Variants in CIB2 observed in about 807,000 individuals in gnomAD.
CIB2 encodes the protein calcium and integrin binding family member 2.
A neutral mutation model predicts 23.1 loss-of-function variants in CIB2; 19 were observed. That is an observed-to-expected ratio of 0.82 (90% CI 0.57 to 1.21). The LOEUF (loss-of-function observed/expected upper bound fraction) is 1.21, where lower values mean the gene tolerates loss of function less well. Ranked by LOEUF, CIB2 falls within the 50% of genes most tolerant of loss-of-function variation. The pLI is 0.00. For synonymous variants in CIB2, 94 were observed against 91.7 expected (o/e 1.03, Z -0.14); for missense variants, 220 against 241.5 (o/e 0.91, Z 0.59).
At position 78,111,434 on chromosome 15, in the gene CIB2, G is replaced by C. The variant is rs546342169; in HGVS notation, c.87-158C>G. Among the ~76,000 whole-genome samples the C allele has an allele frequency of 6.0e-4, 92 of 152,292 alleles. 2 individuals carry two copies. Among genetic ancestry groups the C allele is most frequent in the Admixed American group, 3.9e-3 (59 of 15,304 alleles). On this transcript the variant is annotated intron_variant, in intron 2 of 5. Coordinates refer to ENST00000258930, the MANE Select transcript of CIB2 (RefSeq NM_006383.4). The stretch of plus-strand genomic sequence containing the variant: ...GCTCTCTGCTCTGCCCACAGGGTGT[G>C]AAGTTGGGAGGGAGGTGAGTTCTGC...
At chr15:78,117,835 G>T (rs1421715445) in intron 2 of CIB2, among the ~76,000 whole-genome samples, 1 of 152,184 alleles carries the variant, frequency 6.6e-6, no homozygotes, top group Non-Finnish European at 1.5e-5. Context: ...GTTATTCACT[G>T]AATGATCTGG....
chr15:78,131,134 C>T lies in CIB2; in HGVS notation c.51+31G>A. The T allele has an allele frequency of 1.3e-6, 2 of 1,547,546 alleles. No homozygotes were observed. Among genetic ancestry groups the T allele is most frequent in the South Asian group, 1.2e-5 (1 of 86,098 alleles). The stretch of plus-strand genomic sequence containing the variant: ...GGGAGGGGCGGCGGGGCGGCGGGGC[C>T]TGTGTTGGGGGCCGGGCGCGCCGAG... On this transcript the variant is annotated intron_variant, in intron 1 of 5. Coordinates refer to ENST00000258930, the MANE Select transcript of CIB2 (RefSeq NM_006383.4). The surrounding 1 kb of genome is among the most constrained non-coding windows in gnomAD (Gnocchi z 5.8).
intron 4 of CIB2, among the ~76,000 whole-genome samples, chr15:78,108,459 G>C (rs1347769125): frequency 6.6e-6 from 1 of 152,134 alleles, no homozygotes; most frequent in African/African-American, 2.4e-5. Context: ...TGGGTATGAA[G>C]TTTTCTCCCT....
At position 78,109,472 on chromosome 15, in the gene CIB2, A is replaced by T. The variant is rs143617518; in HGVS notation, c.199-90T>A. On this transcript the variant is annotated intron_variant, in intron 3 of 5. Coordinates refer to ENST00000258930, the MANE Select transcript of CIB2 (RefSeq NM_006383.4). ...CTGTGGACAGCCTGTGTGACCCTGG[A>T]GGAGTGACCAAATCCCTCTGAGCCT... is the stretch of plus-strand genomic sequence containing the variant. 3.1e-5 allele frequency: 46 copies of T among 1,465,172 alleles called. 1 individual carries two copies. In the South Asian group the frequency reaches 5.2e-4, roughly 17 times the overall value. The allele number at this position is 1,465,172 out of a possible 1,614,324, so 90.8% of individuals were successfully genotyped here. A position where few individuals can be genotyped will look rare whatever the true frequency, so the allele number is the denominator to read the frequency against.
At chr15:78,112,717 G>A (rs1360887780) in intron 2 of CIB2, among the ~76,000 whole-genome samples, 1 of 152,152 alleles carries the variant, frequency 6.6e-6, no homozygotes, top group African/African-American at 2.4e-5. Flanking sequence ...CCCAGGCTTG[G>A]GCCGGCCCTG....
Position 78,105,053 on chromosome 15 carries a change from A to C in CIB2, c.*258T>G. On this transcript the variant is annotated 3_prime_UTR_variant, in exon 6 of 6. Transcript: ENST00000258930. Reference sequence around the variant, plus strand: ...TTCTGGAGTAGGAAAGGACTGGGGCATGGGGCGGGGTGCGGAGGGCCTGGA... The same window carrying C: ...TTCTGGAGTAGGAAAGGACTGGGGCCTGGGGCGGGGTGCGGAGGGCCTGGA... 4.0e-6 allele frequency: 2 copies of C among 505,274 alleles called. No individual in the cohort carries two copies. Among genetic ancestry groups the C allele is most frequent in the East Asian group, 3.5e-5 (1 of 28,656 alleles). 31.3% of individuals were successfully genotyped at this position (505,274 alleles called of 1,614,324 possible). A position where few individuals can be genotyped will look rare whatever the true frequency, so the allele number is the denominator to read the frequency against.
intron 5 of CIB2, 37 bp from the exon 6 acceptor site, chr15:78,105,369 C>T: frequency 6.2e-6 from 10 of 1,613,478 alleles, no homozygotes; most frequent in Non-Finnish European, 6.8e-6. Context: ...GGTGAGAGGC[C>T]CTGGGTCGGG....
At chr15:78,108,163 G>A (rs1356757995) in intron 4 of CIB2, among the ~76,000 whole-genome samples, 4 of 143,454 alleles carry the variant, frequency 2.8e-5, no homozygotes, top group Non-Finnish European at 6.0e-5. Context: ...GAGATCACAC[G>A]ATTGCACTCC....
At chr15:78,118,630 T>G (rs1483821158) in intron 2 of CIB2, among the ~76,000 whole-genome samples, 1 of 151,828 alleles carries the variant, frequency 6.6e-6, no homozygotes, top group Non-Finnish European at 1.5e-5. Flanking sequence ...AACAGAAAAT[T>G]TACCATCTTA....
rs774647699 is a variant in CIB2, at chr15:78,109,256, T to C, written c.325A>G (p.Asn109Asp). Reference sequence around the variant, plus strand: ...TTACCATAGATCTTGAAGGCATAGTTTGCCTTGAGCTCTCGGGGAGCCGAC... The same window carrying C: ...TTACCATAGATCTTGAAGGCATAGTCTGCCTTGAGCTCTCGGGGAGCCGAC... ...CESAPRELKANYAFKIYDFNT... is the reference protein window; with the variant it reads ...CESAPRELKADYAFKIYDFNT... Residue 109 changes from asparagine to aspartate, a missense_variant, in exon 4 of 6, where the codon AAC becomes GAC. Physicochemically the swap from Asn to Asp is conservative, Grantham distance 23. Transcript: ENST00000258930. 9 of 1,522,788 alleles carry C rather than the reference T, an allele frequency of 5.9e-6. No individual in the cohort carries two copies. The South Asian group carries it at 1.0e-4, about 17-fold the overall frequency. 94.3% of individuals were successfully genotyped at this position (1,522,788 alleles called of 1,614,324 possible).
At chr15:78,105,539 G>C in intron 5 of CIB2, 200 bp downstream of exon 5, 1 of 1,477,528 alleles carries the variant, frequency 6.8e-7, no homozygotes, top group South Asian at 1.4e-5. Context: ...ATCACTGAAG[G>C]GGCCCCCAGG....
intron 2 of CIB2, chr15:78,120,473 T>G (rs1251055930): frequency 1.1e-6 from 1 of 878,956 alleles, no homozygotes; most frequent in Non-Finnish European, 1.4e-6. Flanking sequence ...TGGGTGGGCC[T>G]CTCTGTGTAC....
intron 2 of CIB2, among the ~76,000 whole-genome samples, chr15:78,118,316 T>C (rs1180305167): frequency 2.0e-5 from 3 of 152,084 alleles, no homozygotes; most frequent in Non-Finnish European, 4.4e-5. Context: ...GATAAATGGC[T>C]GGGCAGTGGC....
At chr15:78,115,676 C>CT (rs56754406) in intron 2 of CIB2, among the ~76,000 whole-genome samples, 1,060 of 71,280 alleles carry the variant, frequency 0.015, 11 homozygotes, top group South Asian at 0.018. Flanking sequence ...ATCTCCTTCT[C>CT]TTTTTTTTTT....
chr15:78,119,666 C>T (rs780959614), intron 2 of CIB2, among the ~76,000 whole-genome samples: 2 of 151,716 alleles, frequency 1.3e-5, no homozygotes, highest in Non-Finnish European at 2.9e-5. Flanking sequence ...TCCTGGGTCC[C>T]GGTTCAAGCA....
chr15:78,105,994 A>G (rs2074065449), intron 4 of CIB2, 60 bp from the exon 5 acceptor site: 4 of 1,399,138 alleles, frequency 2.9e-6, no homozygotes, highest in East Asian at 4.6e-5. Context: ...GGACCCCTAC[A>G]CTATAGCTCT....
intron 1 of CIB2, among the ~76,000 whole-genome samples, chr15:78,125,658 C>G (rs1408779985): frequency 6.6e-6 from 1 of 152,212 alleles, no homozygotes; most frequent in Non-Finnish European, 1.5e-5. Context: ...CACTCCAGAT[C>G]TCTTGAATCA....
Position 78,111,195 on chromosome 15 carries a change from C to G in CIB2, c.168G>C (p.Met56Ile). 1 of 1,614,184 alleles carries G rather than the reference C, an allele frequency of 6.2e-7. No homozygotes were observed. Among genetic ancestry groups the G allele is most frequent in the Non-Finnish European group, 8.5e-7 (1 of 1,180,026 alleles). The change falls in exon 3 of 6, where the codon ATG (methionine) becomes ATC (isoleucine). Residue 56 changes from methionine (M) to isoleucine (I), a missense_variant. Physicochemically the swap from Met to Ile is conservative, Grantham distance 10. Transcript: ENST00000258930. ...YRKSPIVHVP[M>I]SLIIQMPELR... is the part of the protein sequence containing the mutation. ...GCTCTGGCATCTGGATGATGAGGCT[C>G]ATGGGCACGTGGACGATGGGGCTCT...
chr15:78,115,273 T>A (rs955238712), intron 2 of CIB2, among the ~76,000 whole-genome samples: 7 of 151,906 alleles, frequency 4.6e-5, no homozygotes, highest in Non-Finnish European at 1.5e-5. Flanking sequence ...TTATTTATTT[T>A]TTGAGACAGA....
Sources: gnomAD v4.1 joint callset for allele counts (sites outside exome capture counted in the v4.1 genomes callset) on GRCh38, gnomAD v4.1.1 for gene constraint, Gnocchi (gnomAD v3.1) non-coding constraint, MANE v1.5 for transcripts, NCBI Gene and HGNC (gene_info 2026-07-23, HGNC 2026-07-21) for gene names.